Variants in WASF3 observed in about 807,000 individuals in gnomAD.
WASF3 encodes the protein actin-binding protein WASF3.
A neutral mutation model predicts 46.6 loss-of-function variants in WASF3; 11 were observed. The observed-to-expected ratio is 0.24, with a 90% CI of 0.15 to 0.39. The LOEUF (loss-of-function observed/expected upper bound fraction) is 0.39, where lower values mean the gene tolerates loss of function less well. WASF3 is among the 10% of genes least tolerant of loss of function. The pLI is 1.00. For synonymous variants in WASF3, 242 were observed against 259.7 expected, an observed-to-expected ratio of 0.93 and a Z score of 0.65; for missense variants, 576 against 669.8, an observed-to-expected ratio of 0.86 and a Z score of 1.55.
intron 1 of WASF3, among the ~76,000 whole-genome samples, chr13:26,594,564 C>T (rs1156343154): frequency 1.3e-5 from 2 of 152,180 alleles, no homozygotes; most frequent in African/African-American, 4.8e-5. Context: ...GATTGTATTA[C>T]TGCCCTGTTG....
At chr13:26,580,626 CTTT>C (rs5802384) in intron 1 of WASF3, among the ~76,000 whole-genome samples, 11 of 136,934 alleles carry the variant, frequency 8.0e-5, no homozygotes, top group Admixed American at 2.2e-4. Flanking sequence ...TTTTTTCTTT[CTTT>C]TTTTTTTTTT....
intron 2 of WASF3, chr13:26,638,779 C>T (rs1344946386): frequency 3.3e-5 from 5 of 152,220 alleles, no homozygotes; most frequent in Non-Finnish European, 7.3e-5. Context: ...TCCATCAAAA[C>T]TGATACTGAA....
chr13:26,624,765 G>A (rs1320406486), intron 2 of WASF3, among the ~76,000 whole-genome samples: 2 of 151,928 alleles, frequency 1.3e-5, no homozygotes, highest in Non-Finnish European at 2.9e-5. Context: ...ACAAACAGAG[G>A]AACAAGGGTA....
chr13:26,554,715 G>T (rs761013503), upstream of WASF3, among the ~76,000 whole-genome samples: 1 of 152,070 alleles, frequency 6.6e-6, no homozygotes, highest in Non-Finnish European at 1.5e-5. Context: ...TCTTTGTATG[G>T]CTTGATAGCT....
rs1027446939 is a variant in WASF3 at position 26,688,404 on chromosome 13, T to C, written c.*2559T>C. 2.6e-5 allele frequency: 4 copies of C among 152,218 alleles called. No individual in the cohort carries two copies. The highest frequency in any genetic ancestry group is 7.2e-5 in the African/African-American group (3 of 41,452). The allele number at this position is 152,218 out of a possible 1,614,324, so 9.4% of individuals were successfully genotyped here. A position where few individuals can be genotyped will look rare whatever the true frequency, so the allele number is the denominator to read the frequency against. ...CCCTCGTATTATTTCTCCACGTCTG[T>C]TTTAGTTTAATGTCTCCTAAGCTTT... On this transcript the variant is annotated 3_prime_UTR_variant, in exon 10 of 10. Coordinates refer to ENST00000335327, the MANE Select transcript of WASF3 (RefSeq NM_006646.6).
At chr13:26,582,506 G>C (rs1387427438) in intron 1 of WASF3, among the ~76,000 whole-genome samples, 3 of 151,776 alleles carry the variant, frequency 2.0e-5, no homozygotes, top group Non-Finnish European at 4.4e-5. Flanking sequence ...TGAAAACCCT[G>C]TCTCTACTAA....
intron 3 of WASF3, among the ~76,000 whole-genome samples, chr13:26,651,519 T>C (rs1194577640): frequency 2.0e-5 from 3 of 152,234 alleles, no homozygotes; most frequent in Non-Finnish European, 4.4e-5. Context: ...CTTGTCATTC[T>C]ATAATTCTAT....
chr13:26,556,633 T>C (rs1879103587), upstream of WASF3, among the ~76,000 whole-genome samples: 1 of 152,234 alleles, frequency 6.6e-6, no homozygotes, highest in Non-Finnish European at 1.5e-5. Context: ...GCTGCATGAT[T>C]TTTCTACTGC....
chr13:26,557,085 A>G (rs931795465), upstream of WASF3, among the ~76,000 whole-genome samples: 12 of 152,134 alleles, frequency 7.9e-5, no homozygotes, highest in African/African-American at 2.9e-4. Context: ...CTTAGTTTTA[A>G]TAAGTATTGT....
intron 7 of WASF3, 51 bp from the exon 8 acceptor site, chr13:26,681,003 C>G (rs1323672506): frequency 5.1e-6 from 8 of 1,562,302 alleles, no homozygotes; most frequent in Non-Finnish European, 7.0e-6. Context: ...TGTTAGCCGA[C>G]AATTTTTAAA....
chr13:26,671,663 C>G (rs1033301486), intron 5 of WASF3, among the ~76,000 whole-genome samples: 94 of 152,048 alleles, frequency 6.2e-4, no homozygotes, highest in African/African-American at 2.2e-3. Context: ...TACTTTTAAC[C>G]TACAACAGGT....
At chr13:26,645,082 G>T (rs564325855) in intron 3 of WASF3, among the ~76,000 whole-genome samples, 2 of 152,332 alleles carry the variant, frequency 1.3e-5, no homozygotes, top group African/African-American at 2.4e-5. Flanking sequence ...ATAACTGAGT[G>T]CAATGAACTG....
chr13:26,664,017 G>T (rs1882703537), intron 3 of WASF3, among the ~76,000 whole-genome samples: 1 of 152,202 alleles, frequency 6.6e-6, no homozygotes, highest in African/African-American at 2.4e-5. Flanking sequence ...GGTGTGTGCA[G>T]GAGGCATCAC....
chr13:26,665,869 A>G (rs547623766), intron 4 of WASF3, among the ~76,000 whole-genome samples: 1 of 152,200 alleles, frequency 6.6e-6, no homozygotes, highest in Non-Finnish European at 1.5e-5. Flanking sequence ...ATACCACTTC[A>G]TATTTATTTT....
the WASF3 span, among the ~76,000 whole-genome samples, chr13:26,546,296 T>C: frequency 2.0e-5 from 3 of 152,244 alleles, no homozygotes; most frequent in Non-Finnish European, 4.4e-5. Context: ...AGTGATTGTT[T>C]CTGAGTTGGA....
intron 4 of WASF3, 104 bp from the exon 5 acceptor site, chr13:26,667,413 G>C: frequency 3.2e-6 from 3 of 947,214 alleles, no homozygotes; most frequent in Non-Finnish European, 4.6e-6. Context: ...AATATTATTT[G>C]GTTGTTCTAG....
At chr13:26,611,572 C>CA (rs1300378209) in intron 1 of WASF3, among the ~76,000 whole-genome samples, 3 of 152,160 alleles carry the variant, frequency 2.0e-5, no homozygotes, top group East Asian at 1.9e-4. Flanking sequence ...TGGTTACCCT[C>CA]AAAATCATCA....
At chr13:26,584,071 G>A (rs1057438605) in intron 1 of WASF3, among the ~76,000 whole-genome samples, 2 of 152,136 alleles carry the variant, frequency 1.3e-5, no homozygotes, top group African/African-American at 2.4e-5. Flanking sequence ...AAAAAGATAC[G>A]CAATTGGTTT....
chr13:26,620,649 A>ATGATACGT (rs1881278069), intron 2 of WASF3: 1 of 152,142 alleles, frequency 6.6e-6, no homozygotes, highest in South Asian at 2.1e-4. Context: ...ATCCCCACCC[A>ATGATACGT]TGATACGTTG....
Sources: gnomAD v4.1 joint callset for allele counts (sites outside exome capture counted in the v4.1 genomes callset) on GRCh38, gnomAD v4.1.1 for gene constraint, MANE v1.5 for transcripts, NCBI Gene and HGNC (gene_info 2026-07-23, HGNC 2026-07-21) for gene names.